Variants in CLASP2 observed in about 807,000 individuals in gnomAD.
The protein encoded by CLASP2 is cytoplasmic linker associated protein 2.
CLASP2 carries 47 observed loss-of-function variants against 194.4 expected under a neutral mutation model. The ratio of observed to expected loss-of-function variants is 0.24; its 90% CI spans 0.19 to 0.31. CLASP2 has a LOEUF of 0.31. Ranked by LOEUF, CLASP2 falls within the 10% of genes least tolerant of loss-of-function variation. CLASP2 has a pLI of 1.00. For synonymous variants in CLASP2, 619 were observed against 633.5 expected, an observed-to-expected ratio of 0.98 and a Z score of 0.34; for missense variants, 1,445 against 1,823.6, an observed-to-expected ratio of 0.79 and a Z score of 3.78.
intron 5 of CLASP2, among the ~76,000 whole-genome samples, chr3:33,685,002 A>AAAAT (rs371649189): frequency 0.045 from 6,575 of 146,508 alleles, 390 homozygotes; most frequent in African/African-American, 0.13. Flanking sequence ...ACTCCATCTC[A>AAAAT]AAATAAATAA....
rs1428387585 is a variant in CLASP2 at position 33,496,825 on chromosome 3, G to A, written c.*1806C>T. On this transcript the variant is annotated 3_prime_UTR_variant, in exon 39 of 39. Coordinates refer to ENST00000682230, the MANE Select transcript of CLASP2 (RefSeq NM_001365631.1). ...CAGATAAGCTGTAATATATACATGC[G>A]TATGTAGCTATATACCTTTGATTGT... 5 of 152,156 alleles carry A rather than the reference G, an allele frequency of 3.3e-5. No individual in the cohort carries two copies. The highest frequency in any genetic ancestry group is 1.5e-5 in the Non-Finnish European group (1 of 67,992). The allele number at this position is 152,156 out of a possible 1,614,324, so 9.4% of individuals were successfully genotyped here.
chr3:33,690,232 G>T (rs1392260286), intron 2 of CLASP2, among the ~76,000 whole-genome samples: 1 of 152,110 alleles, frequency 6.6e-6, no homozygotes, highest in Admixed American at 6.6e-5. Flanking sequence ...AAGGGAACAG[G>T]TTCTAAAGTC....
intron 8 of CLASP2, among the ~76,000 whole-genome samples, chr3:33,635,429 A>G (rs1394693188): frequency 6.6e-6 from 1 of 152,206 alleles, no homozygotes; most frequent in Non-Finnish European, 1.5e-5. Flanking sequence ...GGATTCTAAA[A>G]TCTGTCTGGA....
intron 33 of CLASP2, among the ~76,000 whole-genome samples, chr3:33,536,875 T>G (rs2057436215): frequency 1.3e-5 from 2 of 152,116 alleles, no homozygotes; most frequent in African/African-American, 4.8e-5. Context: ...GTCCATGGAT[T>G]TTGGCTAGGC....
chr3:33,655,709 C>T (rs564503640), intron 7 of CLASP2, among the ~76,000 whole-genome samples: 1 of 152,162 alleles, frequency 6.6e-6, no homozygotes, highest in South Asian at 2.1e-4. Flanking sequence ...TAATTTATTG[C>T]TATTGTTCTA....
At chr3:33,517,245 T>G (rs2051575529) in intron 34 of CLASP2, 71 bp from the exon 35 acceptor site, 1 of 1,171,260 alleles carries the variant, frequency 8.5e-7, no homozygotes, top group Non-Finnish European at 1.2e-6. Flanking sequence ...GATAACAACT[T>G]TATATGATGA....
At chr3:33,505,776 T>C (rs999117464) in intron 37 of CLASP2, among the ~76,000 whole-genome samples, 2 of 152,210 alleles carry the variant, frequency 1.3e-5, no homozygotes, top group African/African-American at 4.8e-5. Context: ...TTTTCTTATT[T>C]GGCTTGGCGG....
intron 6 of CLASP2, among the ~76,000 whole-genome samples, chr3:33,671,350 A>T (rs959406121): frequency 6.6e-6 from 1 of 152,196 alleles, no homozygotes; most frequent in East Asian, 1.9e-4. Context: ...ATTACATGGC[A>T]TTATAAAAGA....
intron 26 of CLASP2, among the ~76,000 whole-genome samples, chr3:33,568,553 CAAAA>C (rs568821764): frequency 1.1e-3 from 63 of 56,836 alleles, no homozygotes; most frequent in Middle Eastern, 0.011. Flanking sequence ...GATCTTGTCT[CAAAA>C]AAAAAAAAAA....
At chr3:33,602,892 T>G in intron 18 of CLASP2, 60 bp downstream of exon 18, 2 of 1,458,610 alleles carry the variant, frequency 1.4e-6, no homozygotes, top group Non-Finnish European at 1.9e-6. Context: ...GTATATGAAC[T>G]TGTCTTCACA....
chr3:33,536,417 C>T (rs2057352967), intron 33 of CLASP2, among the ~76,000 whole-genome samples: 1 of 152,086 alleles, frequency 6.6e-6, no homozygotes, highest in South Asian at 2.1e-4. Context: ...AGGGAATCAG[C>T]CAAGGGGCTA....
chr3:33,704,902 G>C (rs1575719956), intron 1 of CLASP2, among the ~76,000 whole-genome samples: 1 of 152,092 alleles, frequency 6.6e-6, no homozygotes, highest in Non-Finnish European at 1.5e-5. Flanking sequence ...GTCAAATGTT[G>C]GTAAGGACGT....
chr3:33,613,257 C>CCAAGG (rs1338661459), intron 12 of CLASP2, among the ~76,000 whole-genome samples: 1 of 152,084 alleles, frequency 6.6e-6, no homozygotes, highest in Non-Finnish European at 1.5e-5. Flanking sequence ...GTGATACAGC[C>CCAAGG]CAAGGCTATC....
chr3:33,659,250 A>C, intron 7 of CLASP2: 1 of 1,269,418 alleles, frequency 7.9e-7, no homozygotes, highest in Non-Finnish European at 9.9e-7. Flanking sequence ...CTTTAGCTGC[A>C]CATATGCTGT....
At chr3:33,629,050 A>G (rs962007951) in intron 9 of CLASP2, among the ~76,000 whole-genome samples, 2 of 152,186 alleles carry the variant, frequency 1.3e-5, no homozygotes, top group South Asian at 4.1e-4. Flanking sequence ...TGGTGCCTCA[A>G]CGATGATCAG....
chr3:33,677,051 A>G (rs1331818894), intron 6 of CLASP2, among the ~76,000 whole-genome samples: 1 of 152,002 alleles, frequency 6.6e-6, no homozygotes, highest in Non-Finnish European at 1.5e-5. Context: ...AAGTCAGGAA[A>G]CAACAGGTGC....
chr3:33,586,248 C>T (rs1455011706), intron 21 of CLASP2, among the ~76,000 whole-genome samples: 2 of 151,918 alleles, frequency 1.3e-5, no homozygotes, highest in African/African-American at 4.8e-5. Flanking sequence ...GATTCTCCTG[C>T]CTCAGATTCC....
intron 29 of CLASP2, among the ~76,000 whole-genome samples, chr3:33,556,079 A>T (rs2060870626): frequency 6.6e-6 from 1 of 152,248 alleles, no homozygotes; most frequent in African/African-American, 2.4e-5. Context: ...TGTGAAACCC[A>T]GAAAAAGAGG....
At chr3:33,662,930 T>C (rs563755960) in intron 7 of CLASP2, among the ~76,000 whole-genome samples, 1 of 152,178 alleles carries the variant, frequency 6.6e-6, no homozygotes, top group African/African-American at 2.4e-5. Context: ...CCTCCCTGAA[T>C]TCCAACTTGG....
Sources: gnomAD v4.1 joint callset for allele counts (sites outside exome capture counted in the v4.1 genomes callset) on GRCh38, gnomAD v4.1.1 for gene constraint, MANE v1.5 for transcripts, NCBI Gene and HGNC (gene_info 2026-07-23, HGNC 2026-07-21) for gene names.